The following RORA variants were observed in gnomAD, a reference collection of about 807,000 sequenced individuals.
The protein encoded by RORA is nuclear receptor ROR-alpha.
A neutral mutation model predicts 69.5 loss-of-function variants in RORA; 7 were observed. The observed-to-expected ratio is 0.10, with a 90% CI of 0.06 to 0.19. The LOEUF (loss-of-function observed/expected upper bound fraction) is 0.19. RORA is among the 10% of genes least tolerant of loss of function. RORA has a pLI of 1.00. For missense variants in RORA, 457 were observed against 663.0 expected (o/e 0.69, Z 3.41); for synonymous variants, 261 against 240.8 (o/e 1.08, Z -0.78).
chr15:60,931,206 G>A (rs1892363608), intron 1 of RORA, among the ~76,000 whole-genome samples: 1 of 152,190 alleles, frequency 6.6e-6, no homozygotes, highest in Admixed American at 6.5e-5. Flanking sequence ...GGGCCAGGCA[G>A]GCTTACAGGA....
chr15:61,057,131 A>G (rs1276603285), intron 1 of RORA, among the ~76,000 whole-genome samples: 1 of 152,242 alleles, frequency 6.6e-6, no homozygotes, highest in Non-Finnish European at 1.5e-5. Context: ...TCAGGCTGCC[A>G]GGTCTCCTTA....
chr15:60,842,853 C>T (rs1258099690), intron 1 of RORA, among the ~76,000 whole-genome samples: 1 of 152,172 alleles, frequency 6.6e-6, no homozygotes, highest in Non-Finnish European at 1.5e-5. Context: ...AGAAGACACG[C>T]AGCCCAGGAA....
chr15:60,691,190 T>C (rs1410362011), intron 1 of RORA, among the ~76,000 whole-genome samples: 1 of 152,174 alleles, frequency 6.6e-6, no homozygotes, highest in Non-Finnish European at 1.5e-5. Flanking sequence ...CATTCAGATC[T>C]TTGCTCAGCT....
chr15:61,127,194 T>G (rs1197739981), intron 1 of RORA, among the ~76,000 whole-genome samples: 1 of 152,212 alleles, frequency 6.6e-6, no homozygotes, highest in Admixed American at 6.5e-5. Flanking sequence ...ACCTTGAGTG[T>G]GTGTTAAACA....
chr15:60,499,349 T>C (rs1170519683), intron 10 of RORA, among the ~76,000 whole-genome samples: 2 of 152,026 alleles, frequency 1.3e-5, no homozygotes, highest in Non-Finnish European at 2.9e-5. Context: ...CTGGGCAACA[T>C]AGCAAGATAC....
intron 2 of RORA, among the ~76,000 whole-genome samples, chr15:60,618,457 C>G (rs1425382519): frequency 2.0e-5 from 3 of 152,146 alleles, no homozygotes; most frequent in Admixed American, 6.5e-5. Flanking sequence ...CACAGCAGTG[C>G]CCCAAAAATG....
Position 61,128,852 on chromosome 15 carries a change from T to A in RORA, c.166+100201A>T, listed in dbSNP as rs2079165706. Among the ~76,000 whole-genome samples the A allele has an allele frequency of 6.6e-6, 1 of 152,138 alleles. No individual in the cohort carries two copies. The highest frequency in any genetic ancestry group is 1.5e-5 in the Non-Finnish European group (1 of 68,026). On this transcript the variant is annotated intron_variant, in intron 1 of 10. Coordinates refer to ENST00000335670, the MANE Select transcript of RORA (RefSeq NM_134261.3). The surrounding 1 kb of genome is among the most constrained non-coding windows in gnomAD (Gnocchi z 4.5). ...AATCAGCACACGATGGCCCCAGGAA[T>A]GAGAGCAACCAACCTGGTCCTGCAC...
At chr15:61,205,659 G>A (rs1028199664) in intron 1 of RORA, among the ~76,000 whole-genome samples, 3 of 152,184 alleles carry the variant, frequency 2.0e-5, no homozygotes, top group Middle Eastern at 3.2e-3. Context: ...AGCTGGCACA[G>A]GAACAGCCAG....
Position 60,816,738 on chromosome 15 carries a change from A to AAAATAAAATAAAATAAAATAAAATAAAAT in RORA, c.167-138053_167-138052insATTTTATTTTATTTTATTTTATTTTATTT, listed in dbSNP as rs1555455470. Among the ~76,000 whole-genome samples, 203 of 144,686 alleles carry AAAATAAAATAAAATAAAATAAAATAAAAT rather than the reference A, an allele frequency of 1.4e-3. 12 individuals carry two copies. The highest frequency in any genetic ancestry group is 3.4e-3 in the Middle Eastern group (1 of 290). 94.9% of individuals were successfully genotyped at this position (144,686 alleles called of 152,430 possible). A position where few individuals can be genotyped will look rare whatever the true frequency, so the allele number is the denominator to read the frequency against. ...ACCCTAAAACTTAAAGTATAATAAA[A>AAAATAAAATAAAATAAAATAAAATAAAAT]AAAATAAAATAAAATAAAATAAAGT... On this transcript the variant is annotated intron_variant, in intron 1 of 10. Coordinates refer to ENST00000335670, the MANE Select transcript of RORA (RefSeq NM_134261.3).
chr15:61,044,418 G>C (rs1411865622), intron 1 of RORA, among the ~76,000 whole-genome samples: 1 of 152,144 alleles, frequency 6.6e-6, no homozygotes, highest in Admixed American at 6.5e-5. Flanking sequence ...TAATACAGTG[G>C]CTACCAGCCA....
intron 1 of RORA, among the ~76,000 whole-genome samples, chr15:60,793,508 T>C (rs1361695899): frequency 6.6e-6 from 1 of 151,682 alleles, no homozygotes; most frequent in Non-Finnish European, 1.5e-5. Context: ...CAGATTCCCT[T>C]TCACATTTTC....
At chr15:60,914,116 G>A (rs1276582062) in intron 1 of RORA, among the ~76,000 whole-genome samples, 2 of 152,180 alleles carry the variant, frequency 1.3e-5, no homozygotes, top group East Asian at 1.9e-4. Flanking sequence ...ACGGGTGCAC[G>A]TTCAGAGCAA....
At chr15:60,892,277 T>C (rs533042699) in intron 1 of RORA, among the ~76,000 whole-genome samples, 5 of 152,364 alleles carry the variant, frequency 3.3e-5, no homozygotes, top group African/African-American at 1.2e-4. Flanking sequence ...TTGGGATTCC[T>C]AAGCAAGTAC....
At chr15:60,800,723 C>T (rs2140357317) in intron 1 of RORA, among the ~76,000 whole-genome samples, 1 of 152,232 alleles carries the variant, frequency 6.6e-6, no homozygotes, top group East Asian at 1.9e-4. Flanking sequence ...CATCTACCTC[C>T]CAGCCCCCCA....
chr15:61,166,254 C>T (rs540196070), intron 1 of RORA, among the ~76,000 whole-genome samples: 8 of 152,230 alleles, frequency 5.3e-5, no homozygotes, highest in Admixed American at 2.6e-4. Context: ...ACAGTATTCA[C>T]GATCTATTAA....
At chr15:60,639,859 G>C (rs1456277707) in intron 2 of RORA, among the ~76,000 whole-genome samples, 2 of 152,182 alleles carry the variant, frequency 1.3e-5, no homozygotes, top group African/African-American at 4.8e-5. Context: ...ATGTGCAGTT[G>C]ATGATGGTAT....
intron 1 of RORA, among the ~76,000 whole-genome samples, chr15:61,188,290 A>G (rs1176635865): frequency 6.6e-6 from 1 of 152,160 alleles, no homozygotes; most frequent in Non-Finnish European, 1.5e-5. Context: ...TTGTGGCCCC[A>G]AAGCAGACCC....
At chr15:60,529,490 A>G (rs185207067) in intron 3 of RORA, 1 of 152,206 alleles carries the variant, frequency 6.6e-6, no homozygotes, top group East Asian at 1.9e-4. Flanking sequence ...CATAGGCCCA[A>G]TCTGTTAATA....
chr15:60,822,204 G>A (rs9302216), intron 1 of RORA, among the ~76,000 whole-genome samples: 100,048 of 152,018 alleles, frequency 0.66, 33,249 homozygotes, highest in South Asian at 0.79. Context: ...GAATTTGATC[G>A]TTTAAAAGAA....
Sources: gnomAD v4.1 joint callset for allele counts (sites outside exome capture counted in the v4.1 genomes callset) on GRCh38, gnomAD v4.1.1 for gene constraint, Gnocchi (gnomAD v3.1) non-coding constraint, MANE v1.5 for transcripts, NCBI Gene and HGNC (gene_info 2026-07-23, HGNC 2026-07-21) for gene names.